Variants in ANKRD30A observed in about 807,000 individuals in gnomAD.
ANKRD30A encodes the protein ankyrin repeat domain-containing protein 30A.
A neutral mutation model predicts 166.3 loss-of-function variants in ANKRD30A; 170 were observed. The ratio of observed to expected loss-of-function variants is 1.02; its 90% CI spans 0.90 to 1.16. The LOEUF is 1.16. Ranked by LOEUF, ANKRD30A falls within the 50% of genes most tolerant of loss-of-function variation. ANKRD30A has a pLI of 0.00. For missense variants in ANKRD30A, 1,630 were observed against 1,518.0 expected, an observed-to-expected ratio of 1.07 and a Z score of -1.23; for synonymous variants, 564 against 508.9, an observed-to-expected ratio of 1.11 and a Z score of -1.46.
At chr10:37,161,506 AC>A (rs1158328682) in intron 15 of ANKRD30A, among the ~76,000 whole-genome samples, 10 of 151,974 alleles carry the variant, frequency 6.6e-5, no homozygotes, top group African/African-American at 2.4e-4. Flanking sequence ...TAGGCAGGTG[AC>A]AGGGGACAAA....
At chr10:37,222,753 T>A (rs1670454562) in intron 34 of ANKRD30A, among the ~76,000 whole-genome samples, 1 of 151,404 alleles carries the variant, frequency 6.6e-6, no homozygotes, top group Non-Finnish European at 1.5e-5. Flanking sequence ...AAGCTTTCTC[T>A]GACTGTTCTG....
chr10:37,197,563 T>G (rs1740091906), intron 29 of ANKRD30A, 83 bp downstream of exon 29: 1 of 1,589,788 alleles, frequency 6.3e-7, no homozygotes, highest in Non-Finnish European at 8.6e-7. Flanking sequence ...AATGCTTTAT[T>G]TTTTTCAACT....
intron 13 of ANKRD30A, among the ~76,000 whole-genome samples, chr10:37,156,037 C>T (rs1838354271): frequency 1.3e-5 from 2 of 150,620 alleles, no homozygotes; most frequent in African/African-American, 4.9e-5. Context: ...GCCAAGATCT[C>T]GCCAGTGCAC....
At chr10:37,171,495 C>A (rs1277425029) in intron 21 of ANKRD30A, among the ~76,000 whole-genome samples, 2 of 151,360 alleles carry the variant, frequency 1.3e-5, no homozygotes, top group Non-Finnish European at 2.9e-5. Flanking sequence ...TTTTAGTTTA[C>A]ACTTTTTAGA....
chr10:37,213,556 CTTT>C (rs397965588), intron 31 of ANKRD30A, among the ~76,000 whole-genome samples: 3 of 132,558 alleles, frequency 2.3e-5, no homozygotes, highest in African/African-American at 2.8e-5. Flanking sequence ...TCTTCTTCTT[CTTT>C]TTTTTTTTTT....
At chr10:37,132,496 G>T (rs1836437720) in intron 4 of ANKRD30A, 150 bp downstream of exon 4, 10 of 490,506 alleles carry the variant, frequency 2.0e-5, no homozygotes, top group Non-Finnish European at 2.5e-5. Context: ...CAATTATTTG[G>T]ACTGGTCAAC....
intron 11 of ANKRD30A, 95 bp from the exon 12 acceptor site, chr10:37,151,965 C>A: frequency 2.6e-6 from 3 of 1,142,810 alleles, no homozygotes; most frequent in East Asian, 2.6e-5. Flanking sequence ...GAGGAAAAAC[C>A]ACAGATTCGT....
At chr10:37,248,219 T>A in the ANKRD30A span, 2 of 629,150 alleles carry the variant, frequency 3.2e-6, no homozygotes, top group South Asian at 2.7e-5. Flanking sequence ...TCACCCAGAA[T>A]GCCAAAGACT....
chr10:37,241,042 G>A, the ANKRD30A span: 2 of 152,022 alleles, frequency 1.3e-5, no homozygotes, highest in Middle Eastern at 3.4e-3. Flanking sequence ...CAGCAATTTT[G>A]TATCATAGTT....
rs1250795090 is a variant in ANKRD30A at position 37,162,651 on chromosome 10, C to A, written c.1903C>A (p.Pro635Thr). Residue 635 changes from proline to threonine, a missense_variant and splice_region_variant, in exon 16 of 36, where the codon CCT becomes ACT. Around this residue, in one of 4 missense-constraint regions of ANKRD30A, gnomAD observed 904 missense variants for 818.5 expected, o/e 1.10. Transcript: ENST00000361713. ...LKDMQTFKAE[P>T]PGKPSAFEPA... ...GATAAATCTCTTTTGCTTTTTAGAG[C>A]CTCCGGGGAAGCCATCTGCCTTCGA... The A allele has an allele frequency of 1.9e-6, 3 of 1,611,954 alleles. No individual in the cohort carries two copies. The highest frequency in any genetic ancestry group is 2.5e-6 in the Non-Finnish European group (3 of 1,179,728).
chr10:37,261,334 A>G, the ANKRD30A span, among the ~76,000 whole-genome samples: 2 of 152,346 alleles, frequency 1.3e-5, no homozygotes, highest in South Asian at 2.1e-4. Context: ...TCCAACTGAT[A>G]GATTCCAGAA....
the ANKRD30A span, among the ~76,000 whole-genome samples, chr10:37,259,707 A>G: frequency 6.6e-6 from 1 of 152,250 alleles, no homozygotes; most frequent in Admixed American, 6.5e-5. Flanking sequence ...GATAAATCTT[A>G]CCAACAATGT....
At chr10:37,164,971 A>C in intron 17 of ANKRD30A, 123 bp from the exon 18 acceptor site, 1 of 1,040,932 alleles carries the variant, frequency 9.6e-7, no homozygotes, top group Non-Finnish European at 1.4e-6. Flanking sequence ...AATCAACAAA[A>C]AGAACATATG....
chr10:37,260,515 T>C, the ANKRD30A span, among the ~76,000 whole-genome samples: 4 of 152,194 alleles, frequency 2.6e-5, no homozygotes, highest in African/African-American at 9.6e-5. Context: ...AATCTTCCCT[T>C]ATCCACAAAC....
chr10:37,203,164 C>T (rs369137123), intron 31 of ANKRD30A, among the ~76,000 whole-genome samples: 1 of 152,246 alleles, frequency 6.6e-6, no homozygotes, highest in East Asian at 1.9e-4. Flanking sequence ...ATACCAAAGC[C>T]TGGCAGAGAC....
intron 13 of ANKRD30A, among the ~76,000 whole-genome samples, chr10:37,155,650 T>G (rs1016242358): frequency 6.6e-6 from 1 of 152,240 alleles, no homozygotes; most frequent in African/African-American, 2.4e-5. Flanking sequence ...CAGATCAGTT[T>G]TCTCCTTATC....
Position 37,136,662 on chromosome 10 carries a change from A to T in ANKRD30A, c.811A>T (p.Thr271Ser). ...IRKLSKNHQNTNPEGTSAGTP... is the reference protein window; with the variant it reads ...IRKLSKNHQNSNPEGTSAGTP... ...AAAATTATCTAAAAATCATCAAAATACCAATCCAGGTAAGACTTCTGATAG... is the reference window on the plus strand; with the variant it reads ...AAAATTATCTAAAAATCATCAAAATTCCAATCCAGGTAAGACTTCTGATAG... The change falls in exon 6 of 36, where the codon ACC becomes TCC. Residue 271 changes from threonine to serine, a missense_variant. Physicochemically the swap from Thr to Ser is moderately conservative, Grantham distance 58. Around this residue, in one of 4 missense-constraint regions of ANKRD30A, gnomAD observed 904 missense variants for 818.5 expected, o/e 1.10. Transcript: ENST00000361713. The T allele has an allele frequency of 7.0e-7, 1 of 1,422,658 alleles. No homozygotes were observed. The highest frequency in any genetic ancestry group is 9.7e-7 in the Non-Finnish European group (1 of 1,032,262). The allele number at this position is 1,422,658 out of a possible 1,614,324, so 88.1% of individuals were successfully genotyped here. A position where few individuals can be genotyped will look rare whatever the true frequency, so the allele number is the denominator to read the frequency against.
the ANKRD30A span, among the ~76,000 whole-genome samples, chr10:37,248,467 G>A: frequency 6.6e-6 from 1 of 152,218 alleles, no homozygotes; most frequent in Admixed American, 6.5e-5. Context: ...GTTCCAGTGT[G>A]TTGACTCCTT....
intron 34 of ANKRD30A, among the ~76,000 whole-genome samples, chr10:37,228,377 C>T (rs1477879222): frequency 1.3e-5 from 2 of 151,904 alleles, no homozygotes; most frequent in Non-Finnish European, 2.9e-5. Flanking sequence ...AAACCCACTA[C>T]ATTTATTTTA....
Sources: allele counts gnomAD v4.1 joint callset (sites outside exome capture counted in the v4.1 genomes callset), GRCh38; gene constraint gnomAD v4.1.1; regional missense constraint gnomAD v4.1.1; transcripts MANE v1.5; gene names NCBI Gene and HGNC (gene_info 2026-07-23, HGNC 2026-07-21).